The following ECPAS variants were observed in gnomAD, a reference collection of about 807,000 sequenced individuals.
ECPAS encodes proteasome adapter and scaffold protein ECM29.
A neutral mutation model predicts 255.1 loss-of-function variants in ECPAS; 70 were observed. The observed-to-expected ratio is 0.27, with a 90% confidence interval of 0.23 to 0.33. The LOEUF (loss-of-function observed/expected upper bound fraction) is 0.33. Ranked by LOEUF, ECPAS falls within the 10% of genes least tolerant of loss-of-function variation. ECPAS has a pLI of 1.00. For missense variants in ECPAS, 1,817 were observed against 2,206.4 expected (o/e 0.82, Z 3.54); for synonymous variants, 784 against 775.0 (o/e 1.01, Z -0.19).
intron 18 of ECPAS, among the ~76,000 whole-genome samples, chr9:111,415,265 AAGAC>A (rs947074234): frequency 1.3e-4 from 19 of 142,030 alleles, no homozygotes; most frequent in Non-Finnish European, 2.5e-4. Context: ...GAGAGAGAGA[AAGAC>A]AGAGAGAGAG....
rs34375105 is a variant in ECPAS at position 111,462,738 on chromosome 9, A to AT, written c.22+10158dup. Among the ~76,000 whole-genome samples the AT allele has an allele frequency of 7.2e-3, 780 of 108,226 alleles. 7 individuals are homozygous for AT. Among genetic ancestry groups the AT allele is most frequent in the Middle Eastern group, 0.023 (5 of 214 alleles). 71.0% of individuals were successfully genotyped at this position (108,226 alleles called of 152,430 possible). ...AATGGAGAAGCACAACATTCATGGAATTTTTTTTTTTTTTTTTTTTTTGAG... is the reference window on the plus strand; with the variant it reads ...AATGGAGAAGCACAACATTCATGGAATTTTTTTTTTTTTTTTTTTTTTTGAG... On this transcript the variant is annotated intron_variant, in intron 2 of 49. Transcript: ENST00000684092.
intron 1 of ECPAS, among the ~76,000 whole-genome samples, chr9:111,480,856 A>G (rs2098303752): frequency 6.6e-6 from 1 of 152,264 alleles, no homozygotes; most frequent in Non-Finnish European, 1.5e-5. Flanking sequence ...CTAACTTTCC[A>G]TTAGGTACTA....
intron 3 of ECPAS, among the ~76,000 whole-genome samples, chr9:111,447,608 A>G (rs2098255017): frequency 6.6e-6 from 1 of 152,200 alleles, no homozygotes; most frequent in South Asian, 2.1e-4. Context: ...AAGATAAGTC[A>G]AAGAGTTTAG....
At chr9:111,458,224 T>C (rs938231752) in intron 2 of ECPAS, among the ~76,000 whole-genome samples, 2 of 152,224 alleles carry the variant, frequency 1.3e-5, no homozygotes, top group Non-Finnish European at 2.9e-5. Context: ...TTTTAGTTAG[T>C]AAACTAAACC....
intron 32 of ECPAS, 68 bp downstream of exon 32, chr9:111,386,309 A>T: frequency 9.8e-7 from 1 of 1,025,258 alleles, no homozygotes; most frequent in South Asian, 1.4e-5. Context: ...AAAGTATAAA[A>T]CCTAGAAATT....
chr9:111,393,156 G>A (rs1454793611), intron 27 of ECPAS, among the ~76,000 whole-genome samples: 1 of 152,204 alleles, frequency 6.6e-6, no homozygotes, highest in Non-Finnish European at 1.5e-5. Flanking sequence ...TCACTGGACA[G>A]TGCAGCGACA....
intron 2 of ECPAS, among the ~76,000 whole-genome samples, chr9:111,464,734 G>T (rs2098277282): frequency 6.6e-6 from 1 of 151,930 alleles, no homozygotes; most frequent in South Asian, 2.1e-4. Context: ...AAACATATTG[G>T]GTACGATACA....
At chr9:111,430,507 A>G (rs2098228211) in intron 9 of ECPAS, 40 bp downstream of exon 9, 2 of 1,265,858 alleles carry the variant, frequency 1.6e-6, no homozygotes, top group South Asian at 1.3e-5. Context: ...TCAACAAACT[A>G]CTTTTTACGC....
At chr9:111,443,822 C>T (rs918638632) in intron 4 of ECPAS, among the ~76,000 whole-genome samples, 9 of 152,182 alleles carry the variant, frequency 5.9e-5, no homozygotes, top group African/African-American at 2.2e-4. Flanking sequence ...CATCACCTGC[C>T]ATCACACAGC....
At position 111,373,218 on chromosome 9, in the gene ECPAS, T is replaced by G; in HGVS notation, c.4288A>C (p.Thr1430Pro). 6.2e-7 allele frequency: 1 copy of G among 1,613,800 alleles called. No homozygotes were observed. The change falls in exon 41 of 50, where the codon ACT (threonine) becomes CCT (proline). Residue 1430 changes from threonine to proline, a missense_variant. Around this residue, in one of 4 missense-constraint regions of ECPAS, gnomAD observed 960 missense variants for 1,179.0 expected, o/e 0.81. Coordinates refer to ENST00000684092, the MANE Select transcript of ECPAS (RefSeq NM_001364929.1). The stretch of plus-strand genomic sequence containing the variant: ...TTGAGCTTCTGCAGGAGTTTTTCAG[T>G]GCTGCTATCCCGTGAGGTCTGAAAA... The part of the protein sequence containing the change: ...HLVRTSRDSS[T>P]EKLLQKLNGW...
At chr9:111,450,246 T>C (rs1161631658) in intron 3 of ECPAS, among the ~76,000 whole-genome samples, 1 of 152,178 alleles carries the variant, frequency 6.6e-6, no homozygotes, top group African/African-American at 2.4e-5. Context: ...GAAGGGCCTC[T>C]TAGACCTTGC....
In ECPAS at chr9:111,416,340, T is replaced by A; in HGVS notation, c.1696A>T (p.Met566Leu). The A allele has an allele frequency of 6.2e-7, 1 of 1,613,592 alleles. No homozygotes were observed. Among genetic ancestry groups the A allele is most frequent in the Non-Finnish European group, 8.5e-7 (1 of 1,179,564 alleles). The change falls in exon 18 of 50, where the codon ATG becomes TTG. Residue 566 changes from methionine to leucine, a missense_variant. Physicochemically the swap from Met to Leu is conservative, Grantham distance 15 (BLOSUM62 2). Coordinates refer to ENST00000684092, the MANE Select transcript of ECPAS (RefSeq NM_001364929.1). ...GTCATGTACTTGACTGGAGTTTTCA[T>A]TCGATGAGAAGCCTAAGTTTAAAAA... ...YYIQEKASHRMKTPVKYMTGT... is the reference protein window; with the variant it reads ...YYIQEKASHRLKTPVKYMTGT...
At position 111,391,820 on chromosome 9, in the gene ECPAS, T is replaced by C; in HGVS notation, c.3097A>G (p.Lys1033Glu). 1 of 1,600,496 alleles carries C rather than the reference T, an allele frequency of 6.2e-7. No homozygotes were observed. The highest frequency in any genetic ancestry group is 8.5e-7 in the Non-Finnish European group (1 of 1,171,228). Residue 1033 changes from lysine (K) to glutamate (E), a missense_variant, in exon 29 of 50, where the codon AAA (lysine) becomes GAA (glutamate). Lys to Glu is a moderately conservative substitution (Grantham distance 56). Coordinates refer to ENST00000684092, the MANE Select transcript of ECPAS (RefSeq NM_001364929.1). The stretch of plus-strand genomic sequence containing the variant: ...ACTGTCTCTCCAGAAACTTCATGTT[T>C]AACTCTAAACCAAAACAATAATTTC... ...VETLMTGKRV[K>E]HEVSGETVVF... is the part of the protein sequence containing the mutation.
intron 41 of ECPAS, among the ~76,000 whole-genome samples, 180 bp from the exon 42 acceptor site, chr9:111,372,800 G>A (rs976101981): frequency 6.6e-6 from 1 of 152,184 alleles, no homozygotes; most frequent in Non-Finnish European, 1.5e-5. Context: ...GAGAGGCCAA[G>A]GTGAGCAGAT....
rs771259015 is a variant in ECPAS at position 111,371,684 on chromosome 9, T to C, written c.4674A>G (p.Pro1558=). The part of the protein sequence containing the change: ...IAKQTSSLVP[P]YLGMILTALL... ...ATGCGGTCAGTATCATTCCGAGATATGGAGGTACTAGAGAGCTAGTCTGTT... is the reference window on the plus strand; with the variant it reads ...ATGCGGTCAGTATCATTCCGAGATACGGAGGTACTAGAGAGCTAGTCTGTT... Residue 1558 remains proline, a synonymous_variant, in exon 43 of 50, where the codon CCA becomes CCG. Coordinates refer to ENST00000684092, the MANE Select transcript of ECPAS (RefSeq NM_001364929.1). 1.9e-6 allele frequency: 3 copies of C among 1,613,886 alleles called. No homozygotes were observed. The highest frequency in any genetic ancestry group is 1.7e-6 in the Non-Finnish European group (2 of 1,179,812).
At chr9:111,452,665 T>A (rs2098261818) in intron 2 of ECPAS, among the ~76,000 whole-genome samples, 1 of 152,152 alleles carries the variant, frequency 6.6e-6, no homozygotes, top group South Asian at 2.1e-4. Flanking sequence ...GAAGATAGAT[T>A]AGATAGACAT....
chr9:111,431,790 CAT>C (rs759858797), intron 8 of ECPAS, among the ~76,000 whole-genome samples: 3 of 152,160 alleles, frequency 2.0e-5, no homozygotes, highest in African/African-American at 4.8e-5. Flanking sequence ...TATCTTCTTT[CAT>C]AGTTTATAAA....
chr9:111,363,356 TAA>T (rs1490321481), intron 49 of ECPAS, among the ~76,000 whole-genome samples: 1 of 152,172 alleles, frequency 6.6e-6, no homozygotes, highest in Non-Finnish European at 1.5e-5. Context: ...TTTATTACTT[TAA>T]GACAACTATA....
At position 111,433,389 on chromosome 9, in the gene ECPAS, G is replaced by T; in HGVS notation, c.709-17C>A. ...CAATTTGCACTGTAGATAAATGAAG[G>T]GAAGGAGAAAGAACAGTCAGGGGAG... is the stretch of plus-strand genomic sequence containing the variant. On this transcript the variant is annotated splice_polypyrimidine_tract_variant and intron_variant, in intron 7 of 49. Transcript: ENST00000684092. 6.2e-7 allele frequency: 1 copy of T among 1,613,694 alleles called. No homozygotes were observed. The highest frequency in any genetic ancestry group is 8.5e-7 in the Non-Finnish European group (1 of 1,179,738).
Sources: allele counts gnomAD v4.1 joint callset (sites outside exome capture counted in the v4.1 genomes callset), GRCh38; gene constraint gnomAD v4.1.1; regional missense constraint gnomAD v4.1.1; transcripts MANE v1.5; gene names NCBI Gene and HGNC (gene_info 2026-07-23, HGNC 2026-07-21).